Variants in RUNDC3B observed in about 807,000 individuals in gnomAD.
RUNDC3B encodes RUN domain-containing protein 3B.
In RUNDC3B, 33 loss-of-function variants were observed where a neutral mutation model predicts 58.4. The observed-to-expected ratio is 0.56, with a 90% CI of 0.43 to 0.75. The LOEUF is 0.75. Among genes scored for constraint, RUNDC3B ranks in the 30% least tolerant of loss-of-function variants. The pLI, the probability that RUNDC3B is intolerant of heterozygous loss-of-function variation, is 0.00. For synonymous variants in RUNDC3B, 193 were observed against 195.2 expected (o/e 0.99, Z 0.10); for missense variants, 501 against 535.7 (o/e 0.94, Z 0.64).
chr7:87,739,701 C>T (rs944695245), intron 4 of RUNDC3B, 90 bp from the exon 5 acceptor site: 3 of 511,618 alleles, frequency 5.9e-6, no homozygotes, highest in African/African-American at 3.9e-5. Flanking sequence ...TTTAGCTCTT[C>T]CTACAATAGT....
intron 6 of RUNDC3B, among the ~76,000 whole-genome samples, chr7:87,756,037 T>A (rs990201918): frequency 3.3e-5 from 5 of 152,126 alleles, no homozygotes; most frequent in African/African-American, 1.2e-4. Context: ...AGACTTACAG[T>A]CCTTTTTGGG....
chr7:87,649,858 T>C (rs1422024347), intron 1 of RUNDC3B, among the ~76,000 whole-genome samples: 2 of 152,136 alleles, frequency 1.3e-5, no homozygotes, highest in Non-Finnish European at 2.9e-5. Context: ...TTTGATAGTT[T>C]TATAAAGGAG....
At chr7:87,746,293 G>A (rs781229713) in intron 6 of RUNDC3B, among the ~76,000 whole-genome samples, 9 of 152,114 alleles carry the variant, frequency 5.9e-5, no homozygotes, top group African/African-American at 1.2e-4. Context: ...TGAATGAAAT[G>A]TTCTGTATAT....
At chr7:87,802,178 G>C (rs1836200807) in intron 8 of RUNDC3B, among the ~76,000 whole-genome samples, 1 of 152,086 alleles carries the variant, frequency 6.6e-6, no homozygotes, top group African/African-American at 2.4e-5. Context: ...GATCACTTGA[G>C]CCCAGGAGTT....
chr7:87,827,806 G>C (rs1384635714), intron 10 of RUNDC3B, among the ~76,000 whole-genome samples: 1 of 152,092 alleles, frequency 6.6e-6, no homozygotes, highest in African/African-American at 2.4e-5. Context: ...CCTGAAAATA[G>C]ATAATATAAC....
At chr7:87,743,109 G>A (rs375911356) in intron 6 of RUNDC3B, among the ~76,000 whole-genome samples, 10 of 145,894 alleles carry the variant, frequency 6.9e-5, no homozygotes, top group East Asian at 3.9e-4. Flanking sequence ...GCGAGATTCC[G>A]TCTCAAAAAA....
At chr7:87,722,904 T>G (rs1830988669) in intron 4 of RUNDC3B, among the ~76,000 whole-genome samples, 1 of 152,182 alleles carries the variant, frequency 6.6e-6, no homozygotes, top group African/African-American at 2.4e-5. Context: ...CCAAGTGCAA[T>G]TTCACCAACC....
At chr7:87,748,986 G>A (rs755344403) in intron 6 of RUNDC3B, among the ~76,000 whole-genome samples, 4 of 152,162 alleles carry the variant, frequency 2.6e-5, no homozygotes, top group African/African-American at 7.2e-5. Flanking sequence ...ACTAGGCACC[G>A]CTGTCTGTAT....
At chr7:87,749,304 A>T (rs768088052) in intron 6 of RUNDC3B, among the ~76,000 whole-genome samples, 2 of 152,252 alleles carry the variant, frequency 1.3e-5, no homozygotes, top group Non-Finnish European at 2.9e-5. Flanking sequence ...ATGATGTACC[A>T]TCATAATTAA....
intron 10 of RUNDC3B, among the ~76,000 whole-genome samples, chr7:87,816,826 C>A (rs1436775673): frequency 6.6e-6 from 1 of 152,174 alleles, no homozygotes; most frequent in Non-Finnish European, 1.5e-5. Flanking sequence ...ACTTTTCAGG[C>A]TAGTTTGAAT....
chr7:87,766,118 T>C (rs1375038643), intron 6 of RUNDC3B, among the ~76,000 whole-genome samples: 1 of 152,156 alleles, frequency 6.6e-6, no homozygotes, highest in Non-Finnish European at 1.5e-5. Context: ...CTACTCTTGA[T>C]CGTTTTGTTT....
At chr7:87,753,551 G>A (rs923545181) in intron 6 of RUNDC3B, among the ~76,000 whole-genome samples, 4 of 152,048 alleles carry the variant, frequency 2.6e-5, no homozygotes, top group Admixed American at 2.0e-4. Context: ...TATGAATCTG[G>A]GTGCTCCTGC....
At chr7:87,761,376 T>G (rs1336570453) in intron 6 of RUNDC3B, among the ~76,000 whole-genome samples, 2 of 151,910 alleles carry the variant, frequency 1.3e-5, no homozygotes, top group Non-Finnish European at 2.9e-5. Context: ...TGGGAAAATG[T>G]AAAATGATGC....
At chr7:87,649,889 C>T (rs1260844451) in intron 1 of RUNDC3B, among the ~76,000 whole-genome samples, 1 of 152,158 alleles carries the variant, frequency 6.6e-6, no homozygotes, top group Non-Finnish European at 1.5e-5. Flanking sequence ...CACATGCTCT[C>T]TTGCGTGCTG....
chr7:87,740,267 G>C (rs192526388), intron 5 of RUNDC3B, among the ~76,000 whole-genome samples: 2 of 151,812 alleles, frequency 1.3e-5, no homozygotes, highest in Admixed American at 6.6e-5. Context: ...ATTATCTCAC[G>C]TGTTGAGATA....
chr7:87,648,049 G>A (rs954707501), intron 1 of RUNDC3B, among the ~76,000 whole-genome samples: 2 of 151,946 alleles, frequency 1.3e-5, no homozygotes, highest in Non-Finnish European at 2.9e-5. Flanking sequence ...GCCGGGCTTG[G>A]TGGTGGGCGC....
intron 2 of RUNDC3B, among the ~76,000 whole-genome samples, chr7:87,688,709 CTGTAA>C (rs1218380871): frequency 6.6e-6 from 1 of 151,746 alleles, no homozygotes; most frequent in African/African-American, 2.4e-5. Flanking sequence ...TTTCTTAGTT[CTGTAA>C]TGTTTTATAT....
intron 6 of RUNDC3B, among the ~76,000 whole-genome samples, chr7:87,752,652 T>A (rs1833087681): frequency 6.6e-6 from 1 of 152,218 alleles, no homozygotes. Flanking sequence ...AATTTTCTAG[T>A]TTATTTGCAT....
chr7:87,733,305 TG>T (rs1326508239), intron 4 of RUNDC3B, among the ~76,000 whole-genome samples: 1 of 152,246 alleles, frequency 6.6e-6, no homozygotes, highest in Non-Finnish European at 1.5e-5. Flanking sequence ...TGGCTCGTTC[TG>T]GCAGTCCAAC....
Sources: gnomAD v4.1 joint callset for allele counts (sites outside exome capture counted in the v4.1 genomes callset) on GRCh38, gnomAD v4.1.1 for gene constraint, MANE v1.5 for transcripts, NCBI Gene and HGNC (gene_info 2026-07-23, HGNC 2026-07-21) for gene names.